The following UGT1A4 variants were observed in gnomAD, a reference collection of about 807,000 sequenced individuals.
The protein encoded by UGT1A4 is UDP-glucuronosyltransferase 1A4.
In UGT1A4, 32 loss-of-function variants were observed where a neutral mutation model predicts 41.1. The ratio of observed to expected loss-of-function variants is 0.78; its 90% CI spans 0.59 to 1.05. UGT1A4 has a LOEUF of 1.05. UGT1A4 is among the 50% of genes least tolerant of loss of function. The pLI is 0.00. For missense variants in UGT1A4, 748 were observed against 677.4 expected, an observed-to-expected ratio of 1.10 and a Z score of -1.16; for synonymous variants, 283 against 265.1, an observed-to-expected ratio of 1.07 and a Z score of -0.66.
Position 233,720,871 on chromosome 2 carries a change from ATT to A in UGT1A4, c.867+1202_867+1203del, listed in dbSNP as rs60621337. On this transcript the variant is annotated intron_variant, in intron 1 of 4. Transcript: ENST00000373409. ...CAGGCATGTGCCACTGCTCCTGGCAATTTTTTTTTTTTTTTTTTTAGTAGAGA... is the reference window on the plus strand; with the variant it reads ...CAGGCATGTGCCACTGCTCCTGGCAATTTTTTTTTTTTTTTTTAGTAGAGA... Among the ~76,000 whole-genome samples, 774 of 132,742 alleles carry A rather than the reference ATT, an allele frequency of 5.8e-3. 4 individuals are homozygous for A. Among genetic ancestry groups the A allele is most frequent in the African/African-American group, 0.021 (722 of 34,968 alleles). The allele number at this position is 132,742 out of a possible 152,430, so 87.1% of individuals were successfully genotyped here.
chr2:233,738,490 C>T (rs927376982), intron 1 of UGT1A4, among the ~76,000 whole-genome samples: 34 of 152,308 alleles, frequency 2.2e-4, no homozygotes, highest in Middle Eastern at 6.8e-3. Flanking sequence ...ACTTGTTGAA[C>T]GGTTTTGACC....
At chr2:233,741,626 G>C (rs997188188) in intron 1 of UGT1A4, 2 of 151,868 alleles carry the variant, frequency 1.3e-5, no homozygotes, top group African/African-American at 4.9e-5. Flanking sequence ...GACCCCATGA[G>C]CCCCTGTGGG....
At chr2:233,748,216 G>A in intron 1 of UGT1A4, 1 of 1,478,190 alleles carries the variant, frequency 6.8e-7, no homozygotes, top group South Asian at 1.3e-5. Flanking sequence ...CCTTCAGTGA[G>A]ATAAACTGTT....
At position 233,769,547 on chromosome 2, in the gene UGT1A4, G is replaced by A; in HGVS notation, c.1307+1108G>A. 1 of 1,612,856 alleles carries A rather than the reference G, an allele frequency of 6.2e-7. No individual in the cohort carries two copies. Among genetic ancestry groups the A allele is most frequent in the Non-Finnish European group, 8.5e-7 (1 of 1,179,826 alleles). On this transcript the variant is annotated intron_variant, in intron 4 of 4. Coordinates refer to ENST00000373409, the MANE Select transcript of UGT1A4 (RefSeq NM_007120.3). This position sits in a 1 kb window ranked among gnomAD's most constrained non-coding sequence, Gnocchi z 4.4. ...CTCCTTTAGAAAGAAGCAGCAGTCA[G>A]GAAGACAGATGTGAAGAGCTGGAGC...
chr2:233,723,050 G>T (rs1208688068), intron 1 of UGT1A4, among the ~76,000 whole-genome samples: 1 of 140,678 alleles, frequency 7.1e-6, no homozygotes, highest in African/African-American at 2.7e-5. Flanking sequence ...AGGCACACTC[G>T]GTGTAACTTT....
Position 233,747,516 on chromosome 2 carries a change from G to C in UGT1A4, c.868-19518G>C, listed in dbSNP as rs1693703556. The C allele has an allele frequency of 1.9e-6, 3 of 1,607,196 alleles. 1 individual carries two copies. The African/African-American group carries it at 4.0e-5, about 22-fold the overall frequency. On this transcript the variant is annotated intron_variant, in intron 1 of 4. Coordinates refer to ENST00000373409, the MANE Select transcript of UGT1A4 (RefSeq NM_007120.3). ...GCTGGGCCACACTCAACTGTACTTT[G>C]AAACAGAACATTTTCTGAAGACATT...
chr2:233,773,128 A>G lies in UGT1A4; in HGVS notation c.*569A>G. On this transcript the variant is annotated 3_prime_UTR_variant, in exon 5 of 5. Transcript: ENST00000373409. ...TGATTTCTTGCTTTGGGGAAAAAGA[A>G]TGATGCTATGAAATTGGTGGGTGGT... The G allele has an allele frequency of 6.4e-6, 1 of 155,198 alleles. No homozygotes were observed. Among genetic ancestry groups the G allele is most frequent in the Non-Finnish European group, 1.4e-5 (1 of 69,704 alleles). 9.6% of individuals were successfully genotyped at this position (155,198 alleles called of 1,614,324 possible). A position where few individuals can be genotyped will look rare whatever the true frequency, so the allele number is the denominator to read the frequency against.
Position 233,720,306 on chromosome 2 carries a change from T to A in UGT1A4, c.867+619T>A, listed in dbSNP as rs1361961474. Among the ~76,000 whole-genome samples, 4 of 152,234 alleles carry A rather than the reference T, an allele frequency of 2.6e-5. No homozygotes were observed. The Middle Eastern group carries it at 0.01, about 388-fold the overall frequency. On this transcript the variant is annotated intron_variant, in intron 1 of 4. Transcript: ENST00000373409. ...TTCTGACCAGGAGTTGGGGGTCTGG[T>A]GTATGATGTGGGGACATCGTAGAGT...
intron 1 of UGT1A4, among the ~76,000 whole-genome samples, chr2:233,737,200 G>A (rs1173255293): frequency 1.3e-5 from 2 of 152,180 alleles, no homozygotes; most frequent in African/African-American, 4.8e-5. Context: ...GCTGAGCTGC[G>A]GTGGACTCTG....
Position 233,754,896 on chromosome 2 carries a change from C to T in UGT1A4, c.868-12138C>T, listed in dbSNP as rs755836502. 29 of 1,350,518 alleles carry T rather than the reference C, an allele frequency of 2.1e-5. No homozygotes were observed. The African/African-American group carries it at 3.1e-4, about 15-fold the overall frequency. The allele number at this position is 1,350,518 out of a possible 1,614,324, so 83.7% of individuals were successfully genotyped here. A position where few individuals can be genotyped will look rare whatever the true frequency, so the allele number is the denominator to read the frequency against. On this transcript the variant is annotated intron_variant, in intron 1 of 4. Transcript: ENST00000373409. ...TCTGCTTCCCAGGGAGTTCCTCTGA[C>T]CCCCCAAAATATTCTCCAGCGGGTT...
chr2:233,744,576 G>A (rs371492922), intron 1 of UGT1A4, among the ~76,000 whole-genome samples: 6 of 151,982 alleles, frequency 3.9e-5, no homozygotes, highest in South Asian at 4.2e-4. Flanking sequence ...GAGTGGCATC[G>A]TTTTACAGTT....
chr2:233,753,656 A>G (rs554176629), intron 1 of UGT1A4: 2 of 152,198 alleles, frequency 1.3e-5, no homozygotes, highest in Non-Finnish European at 2.9e-5. Flanking sequence ...TACTTTCTCA[A>G]TTGTGTGTAT....
chr2:233,728,813 A>G (rs1159466657), intron 1 of UGT1A4, among the ~76,000 whole-genome samples: 11 of 152,216 alleles, frequency 7.2e-5, no homozygotes. Flanking sequence ...AGACAGTGAC[A>G]TGAAATGGGT....
At chr2:233,750,245 C>A (rs1694403636) in intron 1 of UGT1A4, among the ~76,000 whole-genome samples, 1 of 151,900 alleles carries the variant, frequency 6.6e-6, no homozygotes, top group South Asian at 2.1e-4. Context: ...GGAACTGGAA[C>A]AAAGGTCACC....
Position 233,765,767 on chromosome 2 carries a change from G to A in UGT1A4, c.868-1267G>A, listed in dbSNP as rs142459833. Among the ~76,000 whole-genome samples, 585 of 151,822 alleles carry A rather than the reference G, an allele frequency of 3.9e-3. 2 individuals are homozygous for A. The highest frequency in any genetic ancestry group is 0.014 in the African/African-American group (559 of 41,374). On this transcript the variant is annotated intron_variant, in intron 1 of 4. Coordinates refer to ENST00000373409, the MANE Select transcript of UGT1A4 (RefSeq NM_007120.3). ...TAAAGCCATTTGAGAGATTCTTGGG[G>A]GATTCATTGGACCACTGAAAATCTA...
chr2:233,719,832 C>G, intron 1 of UGT1A4, 145 bp downstream of exon 1: 1 of 1,545,496 alleles, frequency 6.5e-7, no homozygotes, highest in South Asian at 1.2e-5. Flanking sequence ...GTTGAGGGGC[C>G]TAGTGTATTT....
Position 233,769,806 on chromosome 2 carries a change from G to T in UGT1A4, c.1307+1367G>T. The T allele has an allele frequency of 9.4e-7, 1 of 1,067,140 alleles. No homozygotes were observed. The highest frequency in any genetic ancestry group is 1.3e-6 in the Non-Finnish European group (1 of 792,912). The allele number at this position is 1,067,140 out of a possible 1,614,324, so 66.1% of individuals were successfully genotyped here. On this transcript the variant is annotated intron_variant, in intron 4 of 4. Transcript: ENST00000373409. The surrounding 1 kb of genome is among the most constrained non-coding windows in gnomAD (Gnocchi z 4.4). ...GAAGTTGGAGGCTGCTATGAGCCGT[G>T]ATCATGCCACTGCACTCCAGCAACC...
chr2:233,742,047 G>C (rs371861111), intron 1 of UGT1A4: 6 of 152,052 alleles, frequency 3.9e-5, no homozygotes, highest in South Asian at 4.1e-4. Context: ...CATAGCAATA[G>C]GATAGTTCTG....
At chr2:233,760,785 G>A in intron 1 of UGT1A4, 1 of 1,613,686 alleles carries the variant, frequency 6.2e-7, no homozygotes. Context: ...ACCTGTCTCT[G>A]CCCACTGTAT....
Sources: allele counts gnomAD v4.1 joint callset (sites outside exome capture counted in the v4.1 genomes callset), GRCh38; gene constraint gnomAD v4.1.1; non-coding constraint Gnocchi (gnomAD v3.1); transcripts MANE v1.5; gene names NCBI Gene and HGNC (gene_info 2026-07-23, HGNC 2026-07-21).